RARB: variants seen among roughly 807,000 people sequenced by gnomAD.
The protein encoded by RARB is retinoic acid receptor beta, also known as HBV-activated protein.
A neutral mutation model predicts 51.9 loss-of-function variants in RARB; 17 were observed. That is an observed-to-expected ratio of 0.33 (90% CI 0.22 to 0.49). The LOEUF (loss-of-function observed/expected upper bound fraction) is 0.49, where lower values mean the gene tolerates loss of function less well. RARB is among the 20% of genes least tolerant of loss of function. RARB has a pLI of 0.99. For synonymous variants in RARB, 215 were observed against 195.4 expected (o/e 1.10, Z -0.84); for missense variants, 369 against 550.8 (o/e 0.67, Z 3.30).
chr3:24,923,716 A>T (rs963522324), intron 2 of RARB, among the ~76,000 whole-genome samples: 8 of 152,202 alleles, frequency 5.3e-5, no homozygotes, highest in Non-Finnish European at 7.4e-5. Context: ...ACGTGGAATT[A>T]TTAGGAAGGC....
At chr3:24,838,926 G>C (rs1175317469) in intron 1 of RARB, among the ~76,000 whole-genome samples, 1 of 94,724 alleles carries the variant, frequency 1.1e-5, no homozygotes, top group Non-Finnish European at 2.1e-5. Context: ...AAAATCTCCA[G>C]GTTTTTTTTT....
At chr3:25,098,903 C>T (rs1699348809) in intron 3 of RARB, among the ~76,000 whole-genome samples, 1 of 152,152 alleles carries the variant, frequency 6.6e-6, no homozygotes, top group Non-Finnish European at 1.5e-5. Flanking sequence ...TTTTATTAGG[C>T]TTGTTGTTAA....
chr3:25,107,794 AAACT>A (rs1422332029), intron 3 of RARB, among the ~76,000 whole-genome samples: 8 of 152,362 alleles, frequency 5.3e-5, no homozygotes, highest in Non-Finnish European at 1.0e-4. Context: ...TGCAACAGCA[AAACT>A]AACATAAATT....
intron 3 of RARB, among the ~76,000 whole-genome samples, chr3:25,131,431 C>G (rs913066222): frequency 1.3e-5 from 2 of 151,892 alleles, no homozygotes; most frequent in African/African-American, 2.4e-5. Flanking sequence ...ACATTTTGAT[C>G]AGATGTAGGG....
At chr3:24,849,154 T>C (rs1430092508) in intron 1 of RARB, among the ~76,000 whole-genome samples, 1 of 152,190 alleles carries the variant, frequency 6.6e-6, no homozygotes, top group Non-Finnish European at 1.5e-5. Flanking sequence ...ACGTTTAATT[T>C]ATAAATTAAA....
chr3:24,868,956 C>A (rs1188105810), intron 2 of RARB, among the ~76,000 whole-genome samples: 2 of 152,070 alleles, frequency 1.3e-5, no homozygotes, highest in Non-Finnish European at 2.9e-5. Context: ...GTACTCTGAC[C>A]ACCTTGGGCA....
chr3:25,063,463 A>G (rs1698591231), intron 3 of RARB, among the ~76,000 whole-genome samples: 2 of 152,050 alleles, frequency 1.3e-5, no homozygotes, highest in African/African-American at 4.8e-5. Context: ...TATTTGAAGT[A>G]AGTGAAGCCA....
chr3:25,107,003 C>A (rs1006870115), intron 3 of RARB, among the ~76,000 whole-genome samples: 1 of 151,852 alleles, frequency 6.6e-6, no homozygotes, highest in African/African-American at 2.4e-5. Context: ...CGGGTTCAAG[C>A]AATTCTCCTG....
intron 3 of RARB, among the ~76,000 whole-genome samples, chr3:25,551,084 A>G (rs1699833186): frequency 6.6e-6 from 1 of 152,194 alleles, no homozygotes. Flanking sequence ...ATTAATGACA[A>G]AAATCATCTT....
Position 25,065,068 on chromosome 3 carries a change from G to A in RARB, c.-328+4892G>A, listed in dbSNP as rs117298699. Among the ~76,000 whole-genome samples the A allele has an allele frequency of 3.4e-3, 511 of 152,148 alleles. 8 individuals carry two copies. In the East Asian group the frequency reaches 0.044, roughly 13 times the overall value. On this transcript the variant is annotated intron_variant, in intron 3 of 11. Transcript: ENST00000383772. ...AAGTCACTATTACCTGGTACACCTC[G>A]GGATTTTTAGATTGGTTAAGTATGC...
intron 5 of RARB, among the ~76,000 whole-genome samples, chr3:25,247,069 G>T (rs1163029224): frequency 2.0e-5 from 3 of 152,236 alleles, no homozygotes; most frequent in Non-Finnish European, 4.4e-5. Context: ...GCTTTGTGGA[G>T]CTGCAGTGGG....
intron 1 of RARB, among the ~76,000 whole-genome samples, chr3:24,840,742 T>TAAAAAAAAAAA (rs55771334): frequency 4.3e-5 from 3 of 70,360 alleles, no homozygotes; most frequent in Admixed American, 1.8e-4. Context: ...TGAGTAAGAG[T>TAAAAAAAAAAA]AAAAAAAAAA....
chr3:24,985,349 G>GT (rs10715822), intron 2 of RARB, among the ~76,000 whole-genome samples: 3,083 of 131,132 alleles, frequency 0.024, 43 homozygotes, highest in South Asian at 0.036. Context: ...TGGTTTTTTT[G>GT]TTTTTTTTTT....
intron 2 of RARB, among the ~76,000 whole-genome samples, chr3:25,029,292 C>T (rs13315281): frequency 0.02 from 3,078 of 152,264 alleles, 97 homozygotes; most frequent in African/African-American, 0.07. Flanking sequence ...CCTTCTAACT[C>T]GTAAAATCAT....
chr3:25,189,138 T>G (rs915762961), intron 5 of RARB, among the ~76,000 whole-genome samples: 1 of 152,146 alleles, frequency 6.6e-6, no homozygotes, highest in Admixed American at 6.5e-5. Context: ...TATGATTCTT[T>G]ATGTGTGTTT....
chr3:24,879,950 GT>G (rs1703126042), intron 2 of RARB, among the ~76,000 whole-genome samples: 1 of 111,798 alleles, frequency 8.9e-6, no homozygotes, highest in Admixed American at 7.9e-5. Flanking sequence ...CTTGAGTTTT[GT>G]GTTACGCCTC....
intron 5 of RARB, among the ~76,000 whole-genome samples, chr3:25,201,486 A>G (rs572659187): frequency 2.2e-4 from 33 of 152,276 alleles, no homozygotes; most frequent in Admixed American, 1.7e-3. Flanking sequence ...GAGTGGTGAA[A>G]GAGGGCATCC....
intron 5 of RARB, among the ~76,000 whole-genome samples, chr3:25,318,800 C>T (rs1355761954): frequency 6.6e-6 from 1 of 152,214 alleles, no homozygotes; most frequent in Non-Finnish European, 1.5e-5. Flanking sequence ...GAAACTCTCT[C>T]ATGACCTGCA....
At chr3:25,462,284 GA>G (rs778643973) in intron 2 of RARB, 3 of 152,182 alleles carry the variant, frequency 2.0e-5, no homozygotes, top group Non-Finnish European at 4.4e-5. Flanking sequence ...TTAATTGAGT[GA>G]AAGAGCTTCT....
Sources: allele counts gnomAD v4.1 joint callset (sites outside exome capture counted in the v4.1 genomes callset), GRCh38; gene constraint gnomAD v4.1.1; transcripts MANE v1.5; gene names NCBI Gene and HGNC (gene_info 2026-07-23, HGNC 2026-07-21).